METTL15: variants seen among roughly 807,000 people sequenced by gnomAD.
METTL15 encodes methyltransferase 15, mitochondrial 12S rRNA N4-cytidine.
Under a neutral mutation model 38.3 loss-of-function variants are expected in METTL15, and 34 were observed. The observed-to-expected ratio is 0.89, with a 90% confidence interval of 0.68 to 1.18. METTL15 has a LOEUF of 1.18. METTL15 is among the 50% of genes most tolerant of loss of function. METTL15 has a pLI of 0.00. For synonymous variants in METTL15, 162 were observed against 170.9 expected (o/e 0.95, Z 0.41); for missense variants, 438 against 498.4 (o/e 0.88, Z 1.15).
chr11:28,227,474 G>A (rs1853528703), intron 4 of METTL15, among the ~76,000 whole-genome samples: 1 of 151,788 alleles, frequency 6.6e-6, no homozygotes, highest in African/African-American at 2.4e-5. Context: ...TTAGCTGGGT[G>A]AAGGAGGGAG....
chr11:28,298,479 A>C (rs1856813102), intron 6 of METTL15, among the ~76,000 whole-genome samples: 2 of 152,122 alleles, frequency 1.3e-5, no homozygotes, highest in African/African-American at 4.8e-5. Flanking sequence ...AGTAATCTAG[A>C]ATTCAGAAGC....
intron 5 of METTL15, among the ~76,000 whole-genome samples, chr11:28,385,861 G>A (rs897040187): frequency 6.6e-6 from 1 of 151,952 alleles, no homozygotes; most frequent in Admixed American, 6.6e-5. Context: ...TGCCATTTTG[G>A]AACCAGAAGT....
intron 3 of METTL15, among the ~76,000 whole-genome samples, chr11:28,128,060 C>T (rs1235740386): frequency 2.0e-5 from 3 of 152,044 alleles, no homozygotes; most frequent in African/African-American, 4.8e-5. Context: ...CTTTTCATAG[C>T]TATTTTATGA....
At chr11:28,524,867 G>T (rs989654001) in intron 6 of METTL15, among the ~76,000 whole-genome samples, 1 of 152,124 alleles carries the variant, frequency 6.6e-6, no homozygotes, top group South Asian at 2.1e-4. Context: ...GCGGACCCTC[G>T]CAGTGAGTGT....
intron 5 of METTL15, among the ~76,000 whole-genome samples, chr11:28,296,327 A>G (rs570386670): frequency 3.3e-5 from 5 of 152,232 alleles, no homozygotes; most frequent in African/African-American, 1.2e-4. Flanking sequence ...GATTTAGTCA[A>G]GTTCTTGAGT....
chr11:28,261,796 TTAA>T (rs1855214126), intron 4 of METTL15, among the ~76,000 whole-genome samples: 1 of 152,148 alleles, frequency 6.6e-6, no homozygotes. Context: ...ATCTGATGTG[TTAA>T]TAATAATAAT....
intron 3 of METTL15, among the ~76,000 whole-genome samples, chr11:28,195,430 CATTGTTATTTTA>C (rs1851873843): frequency 6.6e-6 from 1 of 151,952 alleles, no homozygotes; most frequent in Non-Finnish European, 1.5e-5. Context: ...GGTGGTATCT[CATTGTTATTTTA>C]ATTTGCATTT....
At chr11:28,317,156 A>G (rs917379076) in intron 6 of METTL15, among the ~76,000 whole-genome samples, 3 of 151,800 alleles carry the variant, frequency 2.0e-5, no homozygotes, top group Non-Finnish European at 4.4e-5. Flanking sequence ...GGATTTGTAA[A>G]TCTCAACCAC....
chr11:28,439,598 C>T (rs1371375181), intron 6 of METTL15, among the ~76,000 whole-genome samples: 1 of 152,122 alleles, frequency 6.6e-6, no homozygotes, highest in Non-Finnish European at 1.5e-5. Flanking sequence ...TGGGTGGGCC[C>T]AATGCGGGGT....
downstream of METTL15, among the ~76,000 whole-genome samples, chr11:28,335,734 C>T (rs1451294945): frequency 6.6e-6 from 1 of 152,138 alleles, no homozygotes; most frequent in Admixed American, 6.5e-5. Context: ...CTCTCTTGCT[C>T]CCTCTCTTGC....
intron 5 of METTL15, among the ~76,000 whole-genome samples, chr11:28,294,814 A>G (rs1022891392): frequency 6.6e-6 from 1 of 152,178 alleles, no homozygotes; most frequent in Non-Finnish European, 1.5e-5. Flanking sequence ...ATCATTGTTA[A>G]TATAGAGTAA....
intron 3 of METTL15, among the ~76,000 whole-genome samples, chr11:28,187,322 A>T (rs1181433961): frequency 1.3e-5 from 2 of 151,100 alleles, no homozygotes; most frequent in African/African-American, 4.8e-5. Context: ...AATGTTTGAA[A>T]ATTCATCACT....
intron 4 of METTL15, among the ~76,000 whole-genome samples, chr11:28,230,109 C>T (rs1004276882): frequency 6.6e-6 from 1 of 151,884 alleles, no homozygotes; most frequent in African/African-American, 2.4e-5. Context: ...TCTTGAGTCA[C>T]CTTCATTACC....
In METTL15 at chr11:28,381,657, A is replaced by T. The variant is rs116082073; in HGVS notation, c.*358+19621A>T. ...TTCTTCTGTTGAGAGCCTCTAATGAATGTTTAAGTTCAGCAAATGTATTTA... is the reference window on the plus strand; with the variant it reads ...TTCTTCTGTTGAGAGCCTCTAATGATTGTTTAAGTTCAGCAAATGTATTTA... On this transcript the variant is annotated intron_variant and NMD_transcript_variant, in intron 5 of 7. Transcript: ENST00000532947. Among the ~76,000 whole-genome samples, 608 of 152,200 alleles carry T rather than the reference A, an allele frequency of 4.0e-3. 5 individuals carry two copies. The highest frequency in any genetic ancestry group is 0.014 in the African/African-American group (577 of 41,548).
At chr11:28,168,886 A>C (rs11030233) in intron 3 of METTL15, among the ~76,000 whole-genome samples, 12 of 152,154 alleles carry the variant, frequency 7.9e-5, no homozygotes, top group Non-Finnish European at 1.8e-4. Flanking sequence ...AATTCAGGGA[A>C]GCCAGAGCGT....
chr11:28,330,536 C>G lies in METTL15; in HGVS notation c.919C>G (p.Gln307Glu). The change falls in exon 7 of 7, where the codon CAG becomes GAG. Residue 307 changes from glutamine to glutamate, a missense_variant. Gln to Glu is a conservative substitution (Grantham distance 29, BLOSUM62 2). Transcript: ENST00000407364. Reference sequence around the variant, plus strand: ...ACTCTACACGGGACTGAAGACAGCTCAGAAGTTTCTGAGACCTGGTGGTCG... The same window carrying G: ...ACTCTACACGGGACTGAAGACAGCTGAGAAGTTTCTGAGACCTGGTGGTCG... ...NELYTGLKTA[Q>E]KFLRPGGRLV... is the part of the protein sequence containing the mutation. The G allele has an allele frequency of 6.4e-7, 1 of 1,551,674 alleles. No individual in the cohort carries two copies.
At chr11:28,423,414 C>A (rs1030707440) in intron 5 of METTL15, among the ~76,000 whole-genome samples, 1 of 151,962 alleles carries the variant, frequency 6.6e-6, no homozygotes, top group African/African-American at 2.4e-5. Flanking sequence ...ATGTTTATTG[C>A]AACACTACTC....
chr11:28,435,711 A>G (rs1474503126), intron 6 of METTL15, among the ~76,000 whole-genome samples: 6 of 152,200 alleles, frequency 3.9e-5, no homozygotes, highest in African/African-American at 9.7e-5. Flanking sequence ...GTGAATTCCT[A>G]TGAATATGGT....
At chr11:28,366,969 A>G (rs891594421) in intron 5 of METTL15, among the ~76,000 whole-genome samples, 1 of 152,218 alleles carries the variant, frequency 6.6e-6, no homozygotes, top group African/African-American at 2.4e-5. Context: ...AATAAAAGCC[A>G]TTGCATTTTA....
Sources: allele counts gnomAD v4.1 joint callset (sites outside exome capture counted in the v4.1 genomes callset), GRCh38; gene constraint gnomAD v4.1.1; transcripts MANE v1.5; gene names NCBI Gene and HGNC (gene_info 2026-07-23, HGNC 2026-07-21).